Variants in RBMS1 observed in about 807,000 individuals in gnomAD.
RBMS1 encodes RNA binding motif single stranded interacting protein 1, also known as RNA-binding motif, single-stranded-interacting protein 1.
A neutral mutation model predicts 62.3 loss-of-function variants in RBMS1; 17 were observed. That is an observed-to-expected ratio of 0.27 (90% confidence interval 0.19 to 0.41). RBMS1 has a LOEUF of 0.41. Ranked by LOEUF, RBMS1 falls within the 10% of genes least tolerant of loss-of-function variation. The probability of loss-of-function intolerance (pLI) is 1.00; values close to 1 mark genes in which losing one functional copy is unlikely to be tolerated. For missense variants in RBMS1, 334 were observed against 504.5 expected, an observed-to-expected ratio of 0.66 and a Z score of 3.24; for synonymous variants, 172 against 170.0, an observed-to-expected ratio of 1.01 and a Z score of -0.09.
chr2:160,399,435 T>C (rs1695321035), intron 1 of RBMS1, among the ~76,000 whole-genome samples: 1 of 152,192 alleles, frequency 6.6e-6, no homozygotes, highest in Non-Finnish European at 1.5e-5. Context: ...AACAACTAGC[T>C]AGCTGGTTTC....
In RBMS1 at chr2:160,273,147, G is replaced by A. The variant is rs1176197556; in HGVS notation, c.*1625C>T. 6.6e-6 allele frequency: 1 copy of A among 152,196 alleles called. No individual in the cohort carries two copies. The highest frequency in any genetic ancestry group is 2.4e-5 in the African/African-American group (1 of 41,446). The allele number at this position is 152,196 out of a possible 1,614,324, so 9.4% of individuals were successfully genotyped here. A position where few individuals can be genotyped will look rare whatever the true frequency, so the allele number is the denominator to read the frequency against. On this transcript the variant is annotated 3_prime_UTR_variant, in exon 14 of 14. Coordinates refer to ENST00000348849, the MANE Select transcript of RBMS1 (RefSeq NM_016836.4). ...TTAATAACAGTGAATTATCTTATATGTACTAAAGTAGAAATAACTGTGTAT... is the reference window on the plus strand; with the variant it reads ...TTAATAACAGTGAATTATCTTATATATACTAAAGTAGAAATAACTGTGTAT...
chr2:160,424,368 G>GC (rs1314884673), intron 1 of RBMS1, among the ~76,000 whole-genome samples: 8 of 55,326 alleles, frequency 1.4e-4, no homozygotes, highest in East Asian at 1.3e-3. Context: ...GAGAGATTGG[G>GC]GGGGGGGGGA....
chr2:160,307,070 C>T (rs73969146), intron 4 of RBMS1, among the ~76,000 whole-genome samples: 236 of 152,204 alleles, frequency 1.6e-3, no homozygotes, highest in African/African-American at 5.5e-3. Context: ...CAGCTACTAA[C>T]GTTCACGTGA....
At chr2:160,336,108 C>T (rs888743861) in intron 2 of RBMS1, among the ~76,000 whole-genome samples, 1 of 151,996 alleles carries the variant, frequency 6.6e-6, no homozygotes, top group African/African-American at 2.4e-5. Flanking sequence ...AAGATAACAA[C>T]AACAACAAAA....
chr2:160,359,066 T>G (rs1398235712), intron 2 of RBMS1, among the ~76,000 whole-genome samples: 4 of 152,214 alleles, frequency 2.6e-5, no homozygotes, highest in Admixed American at 1.3e-4. Context: ...GATATTTTAT[T>G]GTAATGCCTG....
intron 1 of RBMS1, among the ~76,000 whole-genome samples, chr2:160,385,444 A>G (rs1440344485): frequency 6.6e-6 from 1 of 152,246 alleles, no homozygotes; most frequent in Non-Finnish European, 1.5e-5. Context: ...TAGGTTCAAA[A>G]GTAACAGGCA....
intron 2 of RBMS1, among the ~76,000 whole-genome samples, chr2:160,346,470 A>AT (rs2106000398): frequency 6.6e-6 from 1 of 152,244 alleles, no homozygotes; most frequent in East Asian, 1.9e-4. Flanking sequence ...ATAGAGACAA[A>AT]TCACAGAAAA....
chr2:160,357,349 G>T (rs146616575), intron 2 of RBMS1, among the ~76,000 whole-genome samples: 1 of 152,166 alleles, frequency 6.6e-6, no homozygotes, highest in East Asian at 1.9e-4. Flanking sequence ...AGACAGAATG[G>T]CTCTTTATCA....
intron 2 of RBMS1, among the ~76,000 whole-genome samples, chr2:160,364,251 A>AT (rs2106021222): frequency 6.6e-6 from 1 of 152,348 alleles, no homozygotes; most frequent in African/African-American, 2.4e-5. Context: ...CTGTACTGAT[A>AT]TCTTCTTTGT....
At chr2:160,368,275 C>T (rs1274031579) in intron 1 of RBMS1, among the ~76,000 whole-genome samples, 1 of 152,176 alleles carries the variant, frequency 6.6e-6, no homozygotes, top group Non-Finnish European at 1.5e-5. Context: ...CAATTTCACA[C>T]CAGGACAGGG....
intron 10 of RBMS1, among the ~76,000 whole-genome samples, chr2:160,280,689 A>G (rs1688059306): frequency 6.6e-6 from 1 of 152,208 alleles, no homozygotes. Context: ...GGACATCCTT[A>G]GCCTTATTGT....
chr2:160,412,775 T>C (rs187604116), intron 1 of RBMS1, among the ~76,000 whole-genome samples: 1 of 152,274 alleles, frequency 6.6e-6, no homozygotes, highest in African/African-American at 2.4e-5. Context: ...GAAAGAAGCA[T>C]TGTGCAGATG....
At chr2:160,420,125 T>C (rs571052092) in intron 1 of RBMS1, among the ~76,000 whole-genome samples, 34 of 152,290 alleles carry the variant, frequency 2.2e-4, no homozygotes, top group African/African-American at 7.5e-4. Context: ...CAAAATAATT[T>C]TTTTCTGGCC....
At chr2:160,311,214 A>ATCTCTCTCTCTCTCTC (rs1382938671) in intron 4 of RBMS1, among the ~76,000 whole-genome samples, 1 of 60,258 alleles carries the variant, frequency 1.7e-5, no homozygotes, top group African/African-American at 5.8e-5. Context: ...AAAAAAATCT[A>ATCTCTCTCTCTCTCTC]TCTATCTATC....
At chr2:160,373,368 C>T (rs1032622546) in intron 1 of RBMS1, among the ~76,000 whole-genome samples, 3 of 152,152 alleles carry the variant, frequency 2.0e-5, no homozygotes, top group African/African-American at 7.2e-5. Context: ...TTAAGACTTG[C>T]ATTGTTGAAT....
At chr2:160,361,185 T>C (rs957578271) in intron 2 of RBMS1, among the ~76,000 whole-genome samples, 2 of 152,194 alleles carry the variant, frequency 1.3e-5, no homozygotes, top group Non-Finnish European at 2.9e-5. Flanking sequence ...AGTCACTGGT[T>C]TTTCCATTAA....
At chr2:160,385,390 A>G (rs1360522555) in intron 1 of RBMS1, among the ~76,000 whole-genome samples, 3 of 152,138 alleles carry the variant, frequency 2.0e-5, no homozygotes, top group African/African-American at 7.2e-5. Flanking sequence ...AAAAATAAAA[A>G]AGAGAGAGAG....
intron 1 of RBMS1, among the ~76,000 whole-genome samples, chr2:160,376,613 C>CTT (rs908126756): frequency 6.6e-6 from 1 of 151,522 alleles, no homozygotes; most frequent in Non-Finnish European, 1.5e-5. Context: ...CTATGTATTT[C>CTT]TTTTTTTTAT....
chr2:160,339,572 T>C (rs1234786700), intron 2 of RBMS1, among the ~76,000 whole-genome samples: 2 of 152,162 alleles, frequency 1.3e-5, no homozygotes, highest in Non-Finnish European at 2.9e-5. Flanking sequence ...AGTGTATTTA[T>C]TACACACCAT....
Sources: gnomAD v4.1 joint callset for allele counts (sites outside exome capture counted in the v4.1 genomes callset) on GRCh38, gnomAD v4.1.1 for gene constraint, MANE v1.5 for transcripts, NCBI Gene and HGNC (gene_info 2026-07-23, HGNC 2026-07-21) for gene names.